Variants in TRPC4 observed in about 807,000 individuals in gnomAD.
TRPC4 encodes the protein short transient receptor potential channel 4.
A neutral mutation model predicts 99.4 loss-of-function variants in TRPC4; 49 were observed. The observed-to-expected ratio is 0.49, with a 90% confidence interval of 0.39 to 0.63. The LOEUF (loss-of-function observed/expected upper bound fraction) is 0.63, where lower values mean the gene tolerates loss of function less well. Ranked by LOEUF, TRPC4 falls within the 20% of genes least tolerant of loss-of-function variation. The probability of loss-of-function intolerance (pLI) is 0.00; values close to 1 mark genes in which losing one functional copy is unlikely to be tolerated. For missense variants in TRPC4, 898 were observed against 1,152.9 expected (o/e 0.78, Z 3.20); for synonymous variants, 454 against 425.9 (o/e 1.07, Z -0.81).
intron 2 of TRPC4, among the ~76,000 whole-genome samples, chr13:37,778,624 C>T (rs189569130): frequency 1.3e-5 from 2 of 151,998 alleles, no homozygotes; most frequent in East Asian, 2.0e-4. Context: ...TTATAAAATA[C>T]CCTGCATTAT....
chr13:37,677,978 A>G (rs1230060716), intron 4 of TRPC4, among the ~76,000 whole-genome samples: 1 of 152,182 alleles, frequency 6.6e-6, no homozygotes. Context: ...AAATGTACCT[A>G]GAAAATCCCC....
chr13:37,711,998 G>A lies in TRPC4; in HGVS notation c.898-19663C>T, dbSNP rs184189191. ...TTTTGTACCAAGCCTTTGAAATCTC[G>A]TGTGCATTTTACGCTTTCAGCATAT... On this transcript the variant is annotated intron_variant, in intron 3 of 10. Transcript: ENST00000379705. Among the ~76,000 whole-genome samples the A allele has an allele frequency of 2.0e-3, 298 of 151,546 alleles. 1 individual carries two copies. Among genetic ancestry groups the A allele is most frequent in the East Asian group, 8.7e-3 (45 of 5,180 alleles).
At chr13:37,852,481 C>T (rs555888038) in intron 1 of TRPC4, among the ~76,000 whole-genome samples, 2 of 152,290 alleles carry the variant, frequency 1.3e-5, no homozygotes, top group South Asian at 4.1e-4. Flanking sequence ...CCAGAGAGTA[C>T]ACAATGGGCC....
In TRPC4 at chr13:37,745,949, G is replaced by C; in HGVS notation, c.885C>G (p.Tyr295Ter). 2 of 1,612,038 alleles carry C rather than the reference G, an allele frequency of 1.2e-6. No individual in the cohort carries two copies. Among genetic ancestry groups the C allele is most frequent in the Non-Finnish European group, 1.7e-6 (2 of 1,178,818 alleles). ...TGGCAACACTCACCTCTTTTTGACG[G>C]TACTTAATGGCCAATTTTAGTCTTG... ...DLARLKLAIK[Y>*]RQKEFVAQPN... Residue 295 changes from tyrosine to a stop codon, truncating the protein, a stop_gained, in exon 3 of 11, where the codon TAC (tyrosine) becomes TAG (stop). Transcript: ENST00000379705. LOFTEE classifies it high-confidence loss of function.
chr13:37,659,377 G>A (rs557874119), intron 6 of TRPC4, among the ~76,000 whole-genome samples: 18 of 152,198 alleles, frequency 1.2e-4, no homozygotes, highest in African/African-American at 4.1e-4. Context: ...AGCTTCCTGA[G>A]GCCCTCACCA....
chr13:37,750,699 G>A (rs1955909795), intron 2 of TRPC4, among the ~76,000 whole-genome samples: 1 of 152,020 alleles, frequency 6.6e-6, no homozygotes, highest in African/African-American at 2.4e-5. Flanking sequence ...TGCAGAATGT[G>A]CAGGTTTGTT....
At chr13:37,851,713 T>C (rs1173942083) in intron 1 of TRPC4, among the ~76,000 whole-genome samples, 2 of 152,198 alleles carry the variant, frequency 1.3e-5, no homozygotes, top group South Asian at 2.1e-4. Context: ...GTTTTAATGT[T>C]ATATCATTGA....
At chr13:37,730,290 T>G (rs1279290111) in intron 3 of TRPC4, among the ~76,000 whole-genome samples, 1 of 151,992 alleles carries the variant, frequency 6.6e-6, no homozygotes, top group Non-Finnish European at 1.5e-5. Context: ...TATATATATA[T>G]CACGTATTTT....
intron 2 of TRPC4, among the ~76,000 whole-genome samples, chr13:37,780,737 A>G (rs1956816986): frequency 1.3e-5 from 2 of 152,108 alleles, no homozygotes; most frequent in African/African-American, 4.8e-5. Flanking sequence ...TGCACGTTTC[A>G]TGTTGCTGAA....
At chr13:37,861,957 T>C (rs1349839104) in intron 1 of TRPC4, among the ~76,000 whole-genome samples, 3 of 151,354 alleles carry the variant, frequency 2.0e-5, no homozygotes, top group Non-Finnish European at 3.0e-5. Context: ...GTTCCAATAA[T>C]GGTTTTTTTT....
Position 37,636,872 on chromosome 13 carries a change from T to A in TRPC4, c.*31A>T. The A allele has an allele frequency of 6.3e-7, 1 of 1,581,338 alleles. No individual in the cohort carries two copies. On this transcript the variant is annotated 3_prime_UTR_variant, in exon 11 of 11. Transcript: ENST00000379705. The stretch of plus-strand genomic sequence containing the variant: ...CCCAGAGCACTACGGAAAATACGTA[T>A]GTGTATGGTAAACGCTTCCTCCTTC...
At chr13:37,864,704 TATA>T (rs1451499105) in intron 1 of TRPC4, among the ~76,000 whole-genome samples, 5 of 151,612 alleles carry the variant, frequency 3.3e-5, no homozygotes, top group Admixed American at 3.3e-4. Context: ...CAAGACAGAA[TATA>T]ACAAGCTCTT....
intron 4 of TRPC4, among the ~76,000 whole-genome samples, chr13:37,691,011 TGATA>T (rs1953678371): frequency 6.6e-6 from 1 of 152,192 alleles, no homozygotes; most frequent in Admixed American, 6.5e-5. Context: ...AACCATAGTA[TGATA>T]GAGAAAAGGA....
chr13:37,789,482 T>C (rs1278465172), intron 1 of TRPC4, among the ~76,000 whole-genome samples: 2 of 152,296 alleles, frequency 1.3e-5, no homozygotes, highest in South Asian at 2.1e-4. Flanking sequence ...ATATAAGAGA[T>C]TGTGAAGTAA....
rs1405375197 is a variant in TRPC4, at chr13:37,837,170, G to A, written c.-28+32425C>T. ...CACCCAGATGCCCAGGCAGAAGTTT[G>A]TTACAGGGGCAGGGCCCTCATAGAG... is the stretch of plus-strand genomic sequence containing the variant. On this transcript the variant is annotated intron_variant, in intron 1 of 10. Transcript: ENST00000379705. Among the ~76,000 whole-genome samples the A allele has an allele frequency of 9.2e-5, 14 of 152,364 alleles. No homozygotes were observed. The East Asian group carries it at 2.3e-3, about 25-fold the overall frequency.
chr13:37,768,918 C>T (rs527773425), intron 2 of TRPC4, among the ~76,000 whole-genome samples: 59 of 151,404 alleles, frequency 3.9e-4, no homozygotes, highest in Non-Finnish European at 6.5e-4. Flanking sequence ...TTATTTTCAT[C>T]CTACAATGTA....
At chr13:37,768,860 A>G (rs1415356109) in intron 2 of TRPC4, among the ~76,000 whole-genome samples, 1 of 151,378 alleles carries the variant, frequency 6.6e-6, no homozygotes, top group African/African-American at 2.4e-5. Context: ...ACCTTTGCCT[A>G]CTTTCTGCTT....
chr13:37,638,385 C>T (rs996734372), intron 10 of TRPC4, among the ~76,000 whole-genome samples: 3 of 152,146 alleles, frequency 2.0e-5, no homozygotes, highest in Non-Finnish European at 4.4e-5. Context: ...ACCTAATTCA[C>T]TACTTCATTC....
chr13:37,842,306 C>T (rs1303815593), intron 1 of TRPC4, among the ~76,000 whole-genome samples: 1 of 69,070 alleles, frequency 1.4e-5, no homozygotes, highest in Non-Finnish European at 2.6e-5. Context: ...ATGGAAAACA[C>T]ATTAGTGGTT....
Sources: gnomAD v4.1 joint callset for allele counts (sites outside exome capture counted in the v4.1 genomes callset) on GRCh38, gnomAD v4.1.1 for gene constraint, MANE v1.5 for transcripts, NCBI Gene and HGNC (gene_info 2026-07-23, HGNC 2026-07-21) for gene names.